LDB2: variants seen among roughly 807,000 people sequenced by gnomAD.
LDB2 encodes the protein LIM domain-binding protein 2.
Under a neutral mutation model 44.3 loss-of-function variants are expected in LDB2, and 12 were observed. That is an observed-to-expected ratio of 0.27 (90% CI 0.17 to 0.44). The LOEUF is 0.44. Among genes scored for constraint, LDB2 ranks in the 20% least tolerant of loss-of-function variants. The pLI is 1.00. For missense variants in LDB2, 344 were observed against 473.5 expected (o/e 0.73, Z 2.54); for synonymous variants, 164 against 174.8 (o/e 0.94, Z 0.49).
chr4:16,511,848 A>G (rs1470442846), intron 6 of LDB2, 133 bp downstream of exon 6: 1 of 1,001,768 alleles, frequency 1.0e-6, no homozygotes. Flanking sequence ...GTCCACAACC[A>G]TGGTCAGAAT....
chr4:16,868,134 A>T (rs1715310296), intron 1 of LDB2, among the ~76,000 whole-genome samples: 1 of 152,116 alleles, frequency 6.6e-6, no homozygotes. Flanking sequence ...TATCTATTCT[A>T]GTTTTATCTT....
chr4:16,792,091 C>T (rs759170545), intron 1 of LDB2, among the ~76,000 whole-genome samples: 29 of 152,178 alleles, frequency 1.9e-4, no homozygotes, highest in Non-Finnish European at 3.4e-4. Context: ...AACATGTACA[C>T]ACTTGATGAG....
chr4:16,543,945 C>G (rs188217559), intron 5 of LDB2, among the ~76,000 whole-genome samples: 51 of 152,080 alleles, frequency 3.4e-4, no homozygotes, highest in Non-Finnish European at 5.7e-4. Context: ...GTTTTTTTCT[C>G]CCTCTCTCTT....
chr4:16,706,832 C>G (rs925667813), intron 2 of LDB2, among the ~76,000 whole-genome samples: 2 of 152,130 alleles, frequency 1.3e-5, no homozygotes, highest in East Asian at 3.9e-4. Flanking sequence ...TACTGCAGCT[C>G]TCAGATACCT....
At chr4:16,721,103 A>G (rs143897708) in intron 2 of LDB2, among the ~76,000 whole-genome samples, 16 of 152,304 alleles carry the variant, frequency 1.1e-4, no homozygotes, top group African/African-American at 3.8e-4. Flanking sequence ...AATCTCCATC[A>G]TATTTTTAAA....
intron 5 of LDB2, among the ~76,000 whole-genome samples, chr4:16,562,242 T>C (rs1742647362): frequency 6.6e-6 from 1 of 152,112 alleles, no homozygotes; most frequent in Non-Finnish European, 1.5e-5. Context: ...ACTAAAGGGC[T>C]TCTGCACAGC....
At chr4:16,822,588 G>A (rs1328886022) in intron 1 of LDB2, among the ~76,000 whole-genome samples, 5 of 151,954 alleles carry the variant, frequency 3.3e-5, no homozygotes, top group African/African-American at 1.2e-4. Context: ...GCACGATCTC[G>A]GCTCACTGCA....
intron 2 of LDB2, among the ~76,000 whole-genome samples, chr4:16,719,146 G>C (rs367910580): frequency 2.0e-5 from 3 of 151,250 alleles, no homozygotes; most frequent in African/African-American, 7.3e-5. Context: ...TTTATAAATT[G>C]CTTGATTTTC....
At chr4:16,573,642 T>C (rs145171537) in intron 5 of LDB2, among the ~76,000 whole-genome samples, 188 of 152,322 alleles carry the variant, frequency 1.2e-3, no homozygotes, top group African/African-American at 4.1e-3. Flanking sequence ...ATTTATAGTA[T>C]CCTGGGCATT....
At chr4:16,550,642 G>T (rs902605904) in intron 5 of LDB2, among the ~76,000 whole-genome samples, 1 of 152,224 alleles carries the variant, frequency 6.6e-6, no homozygotes, top group African/African-American at 2.4e-5. Context: ...ACAAGAATGG[G>T]CATGATGAGG....
chr4:16,583,301 T>C (rs1455563367), intron 5 of LDB2, among the ~76,000 whole-genome samples: 1 of 152,222 alleles, frequency 6.6e-6, no homozygotes, highest in East Asian at 1.9e-4. Flanking sequence ...CTATCCATCC[T>C]TTCCAAAACA....
intron 2 of LDB2, among the ~76,000 whole-genome samples, chr4:16,723,659 C>A (rs1023858610): frequency 1.3e-5 from 2 of 152,132 alleles, no homozygotes; most frequent in Admixed American, 1.3e-4. Context: ...CTGCCACAGT[C>A]CCCTGGAGCC....
chr4:16,823,542 G>GAAAATAAAAC (rs1411180045), intron 1 of LDB2, among the ~76,000 whole-genome samples: 1 of 152,094 alleles, frequency 6.6e-6, no homozygotes, highest in East Asian at 1.9e-4. Flanking sequence ...CATCCAGATA[G>GAAAATAAAAC]AAAATAAAAC....
intron 5 of LDB2, among the ~76,000 whole-genome samples, chr4:16,563,506 T>TGA (rs1743292218): frequency 7.8e-6 from 1 of 128,166 alleles, no homozygotes. Flanking sequence ...TGGAGTGCAG[T>TGA]GGCACGATCT....
chr4:16,639,305 T>A (rs1734505192), intron 2 of LDB2, among the ~76,000 whole-genome samples: 1 of 152,190 alleles, frequency 6.6e-6, no homozygotes, highest in African/African-American at 2.4e-5. Context: ...TCTATAGAAA[T>A]TTAGCATGGG....
At chr4:16,639,759 G>C (rs1972463) in intron 2 of LDB2, among the ~76,000 whole-genome samples, 102,716 of 152,116 alleles carry the variant, frequency 0.68, 34,901 homozygotes, top group Middle Eastern at 0.83. Flanking sequence ...CGTACCCAGA[G>C]TTATTTTGTA....
intron 2 of LDB2, among the ~76,000 whole-genome samples, chr4:16,716,298 C>T (rs536932861): frequency 6.6e-6 from 1 of 152,174 alleles, no homozygotes; most frequent in South Asian, 2.1e-4. Context: ...CTTCAAAGAG[C>T]TGGAGGGAAT....
At chr4:16,715,673 A>G (rs978210924) in intron 2 of LDB2, among the ~76,000 whole-genome samples, 1 of 152,176 alleles carries the variant, frequency 6.6e-6, no homozygotes, top group Non-Finnish European at 1.5e-5. Flanking sequence ...CATGGATTCC[A>G]GCCATCTGCT....
chr4:16,850,736 G>A (rs1189792328), intron 1 of LDB2, among the ~76,000 whole-genome samples: 1 of 152,170 alleles, frequency 6.6e-6, no homozygotes, highest in African/African-American at 2.4e-5. Context: ...GGTAGAAAGT[G>A]GATGGTGGGG....
Sources: gnomAD v4.1 joint callset for allele counts (sites outside exome capture counted in the v4.1 genomes callset) on GRCh38, gnomAD v4.1.1 for gene constraint, MANE v1.5 for transcripts, NCBI Gene and HGNC (gene_info 2026-07-23, HGNC 2026-07-21) for gene names.